The following CDH18 variants were observed in gnomAD, a reference collection of about 807,000 sequenced individuals.
CDH18 encodes the protein cadherin 18, also known as cadherin-18.
CDH18 carries 31 observed loss-of-function variants against 67.9 expected under a neutral mutation model. That is an observed-to-expected ratio of 0.46 (90% CI 0.34 to 0.62). The LOEUF (loss-of-function observed/expected upper bound fraction) is 0.62, where lower values mean the gene tolerates loss of function less well. CDH18 is among the 20% of genes least tolerant of loss of function. CDH18 has a pLI of 0.01. For missense variants in CDH18, 890 were observed against 975.5 expected (o/e 0.91, Z 1.17); for synonymous variants, 362 against 347.2 (o/e 1.04, Z -0.48).
intron 12 of CDH18, among the ~76,000 whole-genome samples, chr5:19,482,451 C>A (rs1382831446): frequency 6.6e-6 from 1 of 152,102 alleles, no homozygotes; most frequent in South Asian, 2.1e-4. Flanking sequence ...TAATTAAATT[C>A]AATAAAATTT....
At chr5:20,573,121 G>C (rs1419663630) in intron 1 of CDH18, among the ~76,000 whole-genome samples, 1 of 151,908 alleles carries the variant, frequency 6.6e-6, no homozygotes, top group Admixed American at 6.6e-5. Context: ...TTTCTTACAG[G>C]AGAAATTACA....
chr5:19,489,462 T>C (rs374931628), intron 11 of CDH18, among the ~76,000 whole-genome samples: 15 of 152,214 alleles, frequency 9.9e-5, no homozygotes, highest in East Asian at 9.7e-4. Context: ...TTGGCCAGGC[T>C]GGTCTCAAAC....
In CDH18 at chr5:19,473,283, G is replaced by A. The variant is rs772984394; in HGVS notation, c.2316C>T (p.Pro772=). 5 of 1,613,526 alleles carry A rather than the reference G, an allele frequency of 3.1e-6. No homozygotes were observed. The highest frequency in any genetic ancestry group is 2.2e-5 in the East Asian group (1 of 44,842). Residue 772 remains proline, a synonymous_variant, in exon 13 of 13, where the codon CCC becomes CCT. Transcript: ENST00000382275. The stretch of plus-strand genomic sequence containing the variant: ...AGAGTTCAGCTAACTTTTTAAACTC[G>A]GGTCCCCAGTCTCCAAGGTAGTGAT... ...QDYHYLGDWG[P]EFKKLAELYG...
intron 3 of CDH18, among the ~76,000 whole-genome samples, chr5:19,796,951 A>C (rs1252630715): frequency 6.6e-6 from 1 of 151,982 alleles, no homozygotes; most frequent in Non-Finnish European, 1.5e-5. Flanking sequence ...AATAATGTTC[A>C]CGTAACACAA....
At chr5:19,893,110 T>C (rs1381440261) in intron 2 of CDH18, among the ~76,000 whole-genome samples, 4 of 152,042 alleles carry the variant, frequency 2.6e-5, no homozygotes, top group African/African-American at 4.8e-5. Context: ...ACAAGAGGCC[T>C]CCCAAACAGC....
At chr5:19,653,128 A>C (rs2150277104) in intron 5 of CDH18, among the ~76,000 whole-genome samples, 1 of 152,100 alleles carries the variant, frequency 6.6e-6, no homozygotes, top group South Asian at 2.1e-4. Context: ...TTGTTGCGAA[A>C]GTAATGGCGG....
chr5:19,720,844 T>C (rs1765998739), intron 5 of CDH18, among the ~76,000 whole-genome samples: 1 of 152,088 alleles, frequency 6.6e-6, no homozygotes, highest in South Asian at 2.1e-4. Flanking sequence ...TTAGAAAAAA[T>C]TGCCAACCCA....
chr5:20,538,906 T>TA (rs1561108855), intron 1 of CDH18, among the ~76,000 whole-genome samples: 1 of 132,966 alleles, frequency 7.5e-6, no homozygotes, highest in African/African-American at 2.9e-5. Flanking sequence ...CTGTTTTTTT[T>TA]TTGTTTTTTT....
intron 1 of CDH18, among the ~76,000 whole-genome samples, chr5:20,543,114 C>T (rs1420191851): frequency 6.6e-6 from 1 of 151,590 alleles, no homozygotes; most frequent in Non-Finnish European, 1.5e-5. Flanking sequence ...AAAATAATTG[C>T]AAAAAATATG....
chr5:20,538,597 G>A (rs558680569), intron 1 of CDH18, among the ~76,000 whole-genome samples: 1 of 152,172 alleles, frequency 6.6e-6, no homozygotes, highest in South Asian at 2.1e-4. Context: ...AGTCGCCAGG[G>A]CATGCAACTA....
intron 9 of CDH18, among the ~76,000 whole-genome samples, chr5:19,521,371 T>C (rs1368332665): frequency 6.6e-6 from 1 of 152,170 alleles, no homozygotes; most frequent in Non-Finnish European, 1.5e-5. Flanking sequence ...ATATATTCAA[T>C]AGTTTCAAAA....
chr5:20,209,821 G>A (rs1344289768), intron 2 of CDH18, among the ~76,000 whole-genome samples: 4 of 151,702 alleles, frequency 2.6e-5, no homozygotes, highest in African/African-American at 4.8e-5. Flanking sequence ...ACCGTGATTT[G>A]ATATTTACAC....
chr5:20,301,183 T>G (rs35738662), intron 1 of CDH18, among the ~76,000 whole-genome samples: 71,102 of 142,544 alleles, frequency 0.5, 17,707 homozygotes, highest in Middle Eastern at 0.66. Flanking sequence ...TTTTTTGTTT[T>G]TTTGTTTGTT....
At chr5:19,694,659 G>A (rs1437674013) in intron 5 of CDH18, among the ~76,000 whole-genome samples, 1 of 151,746 alleles carries the variant, frequency 6.6e-6, no homozygotes, top group Non-Finnish European at 1.5e-5. Flanking sequence ...CTGTGTGTGT[G>A]TGTGTGTGTG....
intron 2 of CDH18, among the ~76,000 whole-genome samples, chr5:20,190,238 C>G (rs1421800245): frequency 6.6e-6 from 1 of 152,084 alleles, no homozygotes; most frequent in Non-Finnish European, 1.5e-5. Flanking sequence ...CCTCAAAATC[C>G]TAGATTCTGA....
intron 2 of CDH18, among the ~76,000 whole-genome samples, chr5:20,038,623 G>A (rs1350031358): frequency 6.6e-6 from 1 of 152,096 alleles, no homozygotes; most frequent in Non-Finnish European, 1.5e-5. Flanking sequence ...TACAGATTAT[G>A]CCTTCAATAA....
rs192575199 is a variant in CDH18, at chr5:19,630,097, C to G, written c.644-17496G>C. ...GATTACAGGTGCCCTTCACCATGAC[C>G]GGCTAATTTGTTTTTTTAATTTTTA... On this transcript the variant is annotated intron_variant, in intron 5 of 12. Coordinates refer to ENST00000382275, the MANE Select transcript of CDH18 (RefSeq NM_004934.5). Among the ~76,000 whole-genome samples, 436 of 151,950 alleles carry G rather than the reference C, an allele frequency of 2.9e-3. 2 individuals are homozygous for G. Among genetic ancestry groups the G allele is most frequent in the African/African-American group, 0.01 (424 of 41,424 alleles).
At chr5:19,689,292 T>A (rs553895294) in intron 5 of CDH18, among the ~76,000 whole-genome samples, 1 of 152,030 alleles carries the variant, frequency 6.6e-6, no homozygotes, top group Non-Finnish European at 1.5e-5. Context: ...TGTCTTGTTA[T>A]ATGTAAGAGA....
At chr5:20,212,745 A>C (rs189158808) in intron 2 of CDH18, among the ~76,000 whole-genome samples, 1 of 152,226 alleles carries the variant, frequency 6.6e-6, no homozygotes, top group African/African-American at 2.4e-5. Context: ...CTCTTTGCTA[A>C]AATTGCTAAC....
Sources: allele counts gnomAD v4.1 joint callset (sites outside exome capture counted in the v4.1 genomes callset), GRCh38; gene constraint gnomAD v4.1.1; transcripts MANE v1.5; gene names NCBI Gene and HGNC (gene_info 2026-07-23, HGNC 2026-07-21).